PDE8A: variants seen among roughly 807,000 people sequenced by gnomAD.
PDE8A encodes the protein high affinity cAMP-specific and IBMX-insensitive 3',5'-cyclic phosphodiesterase 8A.
PDE8A carries 59 observed loss-of-function variants against 105.0 expected under a neutral mutation model. The ratio of observed to expected loss-of-function variants is 0.56; its 90% CI spans 0.46 to 0.70. The LOEUF (loss-of-function observed/expected upper bound fraction) is 0.70, where lower values mean the gene tolerates loss of function less well. Among genes scored for constraint, PDE8A ranks in the 30% least tolerant of loss-of-function variants. The pLI is 0.00. For synonymous variants in PDE8A, 355 were observed against 371.9 expected (o/e 0.95, Z 0.52); for missense variants, 1,014 against 1,045.9 (o/e 0.97, Z 0.42).
Position 85,138,933 on chromosome 15 carries a change from A to T in PDE8A, c.*1030A>T, listed in dbSNP as rs772900394. ...CAAAAATTGAATATTTAATGAATTG[A>T]CATTTTATAACCAACCTGTTTTTAT... On this transcript the variant is annotated 3_prime_UTR_variant, in exon 22 of 22. Coordinates refer to ENST00000394553, the MANE Select transcript of PDE8A (RefSeq NM_002605.3). The T allele has an allele frequency of 7.2e-5, 11 of 152,248 alleles. No individual in the cohort carries two copies. The highest frequency in any genetic ancestry group is 8.8e-5 in the Non-Finnish European group (6 of 68,040). The allele number at this position is 152,248 out of a possible 1,614,324, so 9.4% of individuals were successfully genotyped here.
intron 4 of PDE8A, among the ~76,000 whole-genome samples, chr15:85,076,277 A>G (rs1056133080): frequency 6.6e-6 from 1 of 152,178 alleles, no homozygotes; most frequent in Non-Finnish European, 1.5e-5. Context: ...GAGGTAAGGA[A>G]AGAAGAGAAA....
chr15:85,127,929 A>G lies in PDE8A; in HGVS notation c.2253+1555A>G, dbSNP rs1439384832. ...AATCAAGAAAGTGTGGTGCTGGCAT[A>G]AAGATAACAAGTACAACCATGGGAC... On this transcript the variant is annotated intron_variant, in intron 20 of 21. Coordinates refer to ENST00000394553, the MANE Select transcript of PDE8A (RefSeq NM_002605.3). Among the ~76,000 whole-genome samples, 2 of 152,168 alleles carry G rather than the reference A, an allele frequency of 1.3e-5. 1 individual carries two copies. Among genetic ancestry groups the G allele is most frequent in the Middle Eastern group, 6.3e-3 (2 of 316 alleles).
intron 6 of PDE8A, among the ~76,000 whole-genome samples, chr15:85,088,187 T>C (rs1256653059): frequency 6.6e-6 from 1 of 152,154 alleles, no homozygotes; most frequent in Non-Finnish European, 1.5e-5. Context: ...GCCTTGCTAA[T>C]CTTTTTTTTG....
At chr15:85,116,866 G>A (rs540407866) in intron 16 of PDE8A, among the ~76,000 whole-genome samples, 2 of 152,326 alleles carry the variant, frequency 1.3e-5, no homozygotes, top group East Asian at 1.9e-4. Flanking sequence ...TCCCAGCACA[G>A]CCAAGGAGAG....
At position 85,040,616 on chromosome 15, in the gene PDE8A, A is replaced by G. The variant is rs1171906034; in HGVS notation, c.187-23754A>G. 3.5e-5 allele frequency among the ~76,000 whole-genome samples: 5 copies of G among 143,962 alleles called. No individual in the cohort carries two copies. In the South Asian group the frequency reaches 1.1e-3, roughly 31 times the overall value. 94.4% of individuals were successfully genotyped at this position (143,962 alleles called of 152,430 possible). On this transcript the variant is annotated intron_variant, in intron 1 of 21. Coordinates refer to ENST00000394553, the MANE Select transcript of PDE8A (RefSeq NM_002605.3). ...GGGTCTGTCGTCCAGGCAGGAGTGC[A>G]GTGGTGCAATCTTGGCTCACTGCAA...
chr15:84,984,603 A>G (rs2079772298), intron 1 of PDE8A, among the ~76,000 whole-genome samples: 1 of 152,216 alleles, frequency 6.6e-6, no homozygotes, highest in African/African-American at 2.4e-5. Flanking sequence ...ATACCAGTTT[A>G]TCAGTGTGGG....
rs188191718 is a variant in PDE8A, at chr15:85,046,380, C to G, written c.187-17990C>G. 1.8e-4 allele frequency among the ~76,000 whole-genome samples: 28 copies of G among 152,248 alleles called. 1 individual carries two copies. Among genetic ancestry groups the G allele is most frequent in the Admixed American group, 1.8e-3 (27 of 15,294 alleles). Reference sequence around the variant, plus strand: ...TCTGTTTCTTAATGGAATAAAGTACCTATGAAATTACTCTGAAAACTACAA... The same window carrying G: ...TCTGTTTCTTAATGGAATAAAGTACGTATGAAATTACTCTGAAAACTACAA... On this transcript the variant is annotated intron_variant, in intron 1 of 21. Coordinates refer to ENST00000394553, the MANE Select transcript of PDE8A (RefSeq NM_002605.3).
Position 84,996,421 on chromosome 15 carries a change from A to G in PDE8A, c.186+14073A>G, listed in dbSNP as rs369267635. On this transcript the variant is annotated intron_variant, in intron 1 of 21. Coordinates refer to ENST00000394553, the MANE Select transcript of PDE8A (RefSeq NM_002605.3). ...TCTTGAACTCCTGGGCTCAGAGGAT[A>G]CTCCTGCCTTAGCCTCTCAAAATGC... Among the ~76,000 whole-genome samples, 7 of 152,016 alleles carry G rather than the reference A, an allele frequency of 4.6e-5. No homozygotes were observed. The East Asian group carries it at 9.6e-4, about 21-fold the overall frequency.
At chr15:84,989,298 G>C (rs757741721) in intron 1 of PDE8A, among the ~76,000 whole-genome samples, 2 of 152,254 alleles carry the variant, frequency 1.3e-5, no homozygotes, top group Non-Finnish European at 2.9e-5. Flanking sequence ...TTTGGGATGG[G>C]GGGCTTTGCC....
rs111519773 is a variant in PDE8A at position 85,086,956 on chromosome 15, G to A, written c.636-2382G>A. Among the ~76,000 whole-genome samples, 15 of 151,300 alleles carry A rather than the reference G, an allele frequency of 9.9e-5. No individual in the cohort carries two copies. In the East Asian group the frequency reaches 1.4e-3, roughly 14 times the overall value. Reference sequence around the variant, plus strand: ...TATTGTATTTTTTAGTAGATACGGGGTTTCACCATTTTGGTCAGGCCGGTC... The same window carrying A: ...TATTGTATTTTTTAGTAGATACGGGATTTCACCATTTTGGTCAGGCCGGTC... On this transcript the variant is annotated intron_variant, in intron 6 of 21. Coordinates refer to ENST00000394553, the MANE Select transcript of PDE8A (RefSeq NM_002605.3).
chr15:85,015,982 A>G (rs1372919116), intron 1 of PDE8A, among the ~76,000 whole-genome samples: 1 of 152,084 alleles, frequency 6.6e-6, no homozygotes, highest in Non-Finnish European at 1.5e-5. Flanking sequence ...TTAAAAATAC[A>G]AAAATGTGCT....
At position 84,981,984 on chromosome 15, in the gene PDE8A, C is replaced by G; in HGVS notation, c.-179C>G. 1 of 304,332 alleles carries G rather than the reference C, an allele frequency of 3.3e-6. No individual in the cohort carries two copies. The highest frequency in any genetic ancestry group is 5.2e-5 in the Admixed American group (1 of 19,286). 18.9% of individuals were successfully genotyped at this position (304,332 alleles called of 1,614,324 possible). ...CCCTTCCCACCGCAGCCGCCGCCGC[C>G]GCAGCGCCCGCACCGCGATAAAAGG... On this transcript the variant is annotated 5_prime_UTR_variant, in exon 1 of 22. Transcript: ENST00000394553.
chr15:85,054,751 C>G (rs1237709264), intron 1 of PDE8A, among the ~76,000 whole-genome samples: 1 of 152,132 alleles, frequency 6.6e-6, no homozygotes, highest in Admixed American at 6.5e-5. Context: ...TTGATCTTTT[C>G]AAACAACCAG....
chr15:85,047,389 G>T (rs1259542621), intron 1 of PDE8A, among the ~76,000 whole-genome samples: 1 of 152,178 alleles, frequency 6.6e-6, no homozygotes, highest in African/African-American at 2.4e-5. Flanking sequence ...CCTGGTGGTG[G>T]TTATTTTGGG....
At chr15:84,984,047 A>G (rs911430976) in intron 1 of PDE8A, among the ~76,000 whole-genome samples, 2 of 152,372 alleles carry the variant, frequency 1.3e-5, no homozygotes, top group Admixed American at 6.5e-5. Context: ...TGGCATACAC[A>G]TAGTAGGTAC....
chr15:85,115,990 A>T lies in PDE8A; in HGVS notation c.1406A>T (p.Gln469Leu), dbSNP rs751463794. 6 of 1,613,510 alleles carry T rather than the reference A, an allele frequency of 3.7e-6. No individual in the cohort carries two copies. The highest frequency in any genetic ancestry group is 5.1e-6 in the Non-Finnish European group (6 of 1,179,478). Reference protein sequence around the residue: ...NEYVLSTKNTQMVSSNIITPI... With the variant: ...NEYVLSTKNTLMVSSNIITPI... The stretch of plus-strand genomic sequence containing the variant: ...AAATTACATCACTTTACAGACACTC[A>T]AATGGTTTCAAGCAATATAATCACT... The change falls in exon 16 of 22, where the codon CAA becomes CTA. Residue 469 changes from glutamine to leucine, a missense_variant. Coordinates refer to ENST00000394553, the MANE Select transcript of PDE8A (RefSeq NM_002605.3).
Position 85,110,364 on chromosome 15 carries a change from A to G in PDE8A, c.1114+1234A>G, listed in dbSNP as rs531270075. Among the ~76,000 whole-genome samples the G allele has an allele frequency of 1.5e-3, 226 of 152,324 alleles. No homozygotes were observed. In the Middle Eastern group the frequency reaches 0.017, roughly 11 times the overall value. On this transcript the variant is annotated intron_variant, in intron 12 of 21. Transcript: ENST00000394553. The stretch of plus-strand genomic sequence containing the variant: ...TGAGTTATAATTTATATACAATGAA[A>G]TTCACTTAAGTTTCATTTCAGTGAG...
intron 1 of PDE8A, among the ~76,000 whole-genome samples, chr15:85,023,654 A>G (rs947685772): frequency 5.3e-5 from 8 of 152,106 alleles, no homozygotes; most frequent in Non-Finnish European, 8.8e-5. Flanking sequence ...GGAGTTTAGC[A>G]TTTTCATCAT....
chr15:85,085,087 A>G (rs866762699), intron 6 of PDE8A, among the ~76,000 whole-genome samples: 5 of 152,072 alleles, frequency 3.3e-5, no homozygotes, highest in South Asian at 4.2e-4. Flanking sequence ...TTCCTGTTCT[A>G]TGACACCCCA....
Sources: gnomAD v4.1 joint callset for allele counts (sites outside exome capture counted in the v4.1 genomes callset) on GRCh38, gnomAD v4.1.1 for gene constraint, MANE v1.5 for transcripts, NCBI Gene and HGNC (gene_info 2026-07-23, HGNC 2026-07-21) for gene names.